Variants in WWOX observed in about 807,000 individuals in gnomAD.
WWOX encodes the protein WW domain-containing oxidoreductase.
In WWOX, 69 loss-of-function variants were observed where a neutral mutation model predicts 46.2. That is an observed-to-expected ratio of 1.49 (90% CI 1.23 to 1.82). The LOEUF is 1.82. Among genes scored for constraint, WWOX ranks in the 40% most tolerant of loss-of-function variants. The pLI is 0.00. For missense variants in WWOX, 919 were observed against 542.6 expected, an observed-to-expected ratio of 1.69 and a Z score of -6.89; for synonymous variants, 359 against 202.6, an observed-to-expected ratio of 1.77 and a Z score of -6.56.
At chr16:78,696,730 C>T (rs1453131291) in intron 8 of WWOX, among the ~76,000 whole-genome samples, 2 of 151,980 alleles carry the variant, frequency 1.3e-5, no homozygotes, top group Admixed American at 6.6e-5. Context: ...AAGTTCTTTA[C>T]TGGTGATTGG....
chr16:78,806,166 T>C (rs1007568384), intron 8 of WWOX, among the ~76,000 whole-genome samples: 4 of 152,250 alleles, frequency 2.6e-5, no homozygotes, highest in Admixed American at 6.5e-5. Flanking sequence ...TTCCCTGATA[T>C]AATAAGGCTT....
intron 8 of WWOX, among the ~76,000 whole-genome samples, chr16:78,641,497 A>G (rs926344861): frequency 5.9e-5 from 9 of 152,074 alleles, no homozygotes; most frequent in African/African-American, 1.9e-4. Context: ...CCCAAGCTCT[A>G]TTTAATCAAC....
At chr16:78,224,266 G>C (rs1195984224) in intron 5 of WWOX, among the ~76,000 whole-genome samples, 1 of 152,096 alleles carries the variant, frequency 6.6e-6, no homozygotes, top group Non-Finnish European at 1.5e-5. Context: ...GCCTCCCAAA[G>C]TGCTGGGATT....
At chr16:78,399,531 C>A (rs370378945) in intron 6 of WWOX, among the ~76,000 whole-genome samples, 2 of 152,288 alleles carry the variant, frequency 1.3e-5, no homozygotes, top group South Asian at 4.1e-4. Flanking sequence ...CAGGGAGCGA[C>A]ACCTCTCAGC....
At chr16:79,210,239 A>G (rs1047285720) in intron 8 of WWOX, among the ~76,000 whole-genome samples, 2 of 152,186 alleles carry the variant, frequency 1.3e-5, no homozygotes, top group African/African-American at 4.8e-5. Context: ...CTAAAACCAA[A>G]CAACAATGAC....
chr16:78,754,739 T>A (rs1424161), intron 8 of WWOX, among the ~76,000 whole-genome samples: 93,300 of 151,832 alleles, frequency 0.61, 28,950 homozygotes, highest in South Asian at 0.69. Flanking sequence ...AAAAAAAGAT[T>A]TCTTCTCCAT....
At chr16:78,961,984 A>T (rs150811086) in intron 8 of WWOX, among the ~76,000 whole-genome samples, 1 of 152,298 alleles carries the variant, frequency 6.6e-6, no homozygotes, top group African/African-American at 2.4e-5. Flanking sequence ...TGCCTTAAAC[A>T]GATCCCTTGT....
chr16:79,006,234 C>T (rs1489675899), intron 8 of WWOX, among the ~76,000 whole-genome samples: 1 of 152,142 alleles, frequency 6.6e-6, no homozygotes, highest in Non-Finnish European at 1.5e-5. Context: ...GGATAAGTGG[C>T]ATTTGATGAG....
intron 8 of WWOX, among the ~76,000 whole-genome samples, chr16:79,131,681 G>A (rs375743970): frequency 4.6e-5 from 7 of 151,924 alleles, no homozygotes; most frequent in African/African-American, 1.2e-4. Context: ...TTAACACAGG[G>A]TGTCTTAACT....
At position 78,409,811 on chromosome 16, in the gene WWOX, C is replaced by T. The variant is rs1204058225; in HGVS notation, c.606-15059C>T. ...TCACCCACAACATCTTCAAAACCAG[C>T]ACTGTTGCATCTCTGACCTTAGCCC... On this transcript the variant is annotated intron_variant, in intron 6 of 8. Coordinates refer to ENST00000566780, the MANE Select transcript of WWOX (RefSeq NM_016373.4). Among the ~76,000 whole-genome samples the T allele has an allele frequency of 2.6e-5, 4 of 152,288 alleles. 1 individual carries two copies. The highest frequency in any genetic ancestry group is 1.9e-4 in the East Asian group (1 of 5,176).
At chr16:79,101,501 C>G (rs1285012592) in intron 8 of WWOX, 1 of 152,168 alleles carries the variant, frequency 6.6e-6, no homozygotes, top group Admixed American at 6.5e-5. Context: ...ACTCCCTATT[C>G]CCATATCCCA....
chr16:78,602,750 G>A (rs2045652129), intron 8 of WWOX, among the ~76,000 whole-genome samples: 1 of 152,152 alleles, frequency 6.6e-6, no homozygotes, highest in South Asian at 2.1e-4. Context: ...GCTGGGCACT[G>A]CACAAAATGG....
intron 6 of WWOX, among the ~76,000 whole-genome samples, chr16:78,387,508 C>T (rs376676788): frequency 6.6e-6 from 1 of 152,104 alleles, no homozygotes; most frequent in Admixed American, 6.5e-5. Flanking sequence ...TAGTTAGGGC[C>T]TAGCATATTT....
chr16:79,210,019 G>A (rs1419959332), intron 8 of WWOX, among the ~76,000 whole-genome samples: 2 of 152,200 alleles, frequency 1.3e-5, no homozygotes, highest in South Asian at 2.1e-4. Flanking sequence ...TAACAAACCA[G>A]CTACTATTAA....
intron 5 of WWOX, among the ~76,000 whole-genome samples, chr16:78,234,523 C>T (rs1408983097): frequency 6.6e-6 from 1 of 152,070 alleles, no homozygotes; most frequent in Non-Finnish European, 1.5e-5. Flanking sequence ...TTCTGATATG[C>T]CCTTTTAGTT....
intron 5 of WWOX, among the ~76,000 whole-genome samples, chr16:78,347,362 T>C (rs917813348): frequency 8.5e-6 from 1 of 118,138 alleles, no homozygotes; most frequent in Admixed American, 8.4e-5. Flanking sequence ...TGTATCCATA[T>C]GTCTAGTTCC....
At chr16:78,922,666 A>C (rs989511196) in intron 8 of WWOX, among the ~76,000 whole-genome samples, 1 of 152,168 alleles carries the variant, frequency 6.6e-6, no homozygotes, top group African/African-American at 2.4e-5. Context: ...GGCGTGAGCC[A>C]CGACCACCAG....
At chr16:78,404,861 G>A (rs1170027632) in intron 6 of WWOX, among the ~76,000 whole-genome samples, 1 of 152,144 alleles carries the variant, frequency 6.6e-6, no homozygotes, top group African/African-American at 2.4e-5. Flanking sequence ...AATGCAAAGG[G>A]CAGGAGAAAA....
At chr16:78,598,534 G>T (rs2071565614) in intron 8 of WWOX, among the ~76,000 whole-genome samples, 1 of 152,180 alleles carries the variant, frequency 6.6e-6, no homozygotes, top group Non-Finnish European at 1.5e-5. Context: ...GAGCTTAGTT[G>T]GGGGAGAGAT....
Sources: gnomAD v4.1 joint callset for allele counts (sites outside exome capture counted in the v4.1 genomes callset) on GRCh38, gnomAD v4.1.1 for gene constraint, MANE v1.5 for transcripts, NCBI Gene and HGNC (gene_info 2026-07-23, HGNC 2026-07-21) for gene names.